TENM2: variants seen among roughly 807,000 people sequenced by gnomAD.
TENM2 encodes teneurin transmembrane protein 2, also known as teneurin-2.
In TENM2, 52 loss-of-function variants were observed where a neutral mutation model predicts 245.2. That is an observed-to-expected ratio of 0.21 (90% CI 0.17 to 0.27). The LOEUF is 0.27. Ranked by LOEUF, TENM2 falls within the 10% of genes least tolerant of loss-of-function variation. TENM2 has a pLI of 1.00. For synonymous variants in TENM2, 1,363 were observed against 1,438.9 expected (o/e 0.95, Z 1.19); for missense variants, 3,046 against 3,666.8 (o/e 0.83, Z 4.37).
At chr5:167,107,353 A>T in the TENM2 span, among the ~76,000 whole-genome samples, 1 of 152,154 alleles carries the variant, frequency 6.6e-6, no homozygotes, top group Non-Finnish European at 1.5e-5. Context: ...AACAAGTTGT[A>T]CGTGGTGGAG....
intron 2 of TENM2, among the ~76,000 whole-genome samples, chr5:167,590,197 GT>G (rs536419132): frequency 1.2e-3 from 183 of 151,776 alleles, no homozygotes; most frequent in Non-Finnish European, 2.3e-3. Flanking sequence ...TCCAAATAGT[GT>G]TTTTTGTTTT....
intron 2 of TENM2, among the ~76,000 whole-genome samples, chr5:167,461,722 A>C (rs1449713664): frequency 6.6e-6 from 1 of 152,198 alleles, no homozygotes; most frequent in South Asian, 2.1e-4. Context: ...CTCTATGTCA[A>C]ATAAATAAAC....
chr5:167,513,630 A>G (rs1216696797), intron 2 of TENM2, among the ~76,000 whole-genome samples: 1 of 152,176 alleles, frequency 6.6e-6, no homozygotes. Context: ...TGCGCTTGAC[A>G]GGATGAACTG....
chr5:167,385,856 ATGTGTGTGTGTGTGTGTGTGTG>A (rs60407919), intron 2 of TENM2, among the ~76,000 whole-genome samples: 7 of 139,060 alleles, frequency 5.0e-5, no homozygotes, highest in South Asian at 2.4e-4. Context: ...TTATATATAT[ATGTGTGTGTGTGTGTGTGTGTG>A]TGTGTGTGTG....
chr5:168,211,680 A>T (rs1457048453), intron 19 of TENM2, 54 bp from the exon 22 acceptor site: 1 of 1,126,126 alleles, frequency 8.9e-7, no homozygotes, highest in Non-Finnish European at 1.3e-6. Context: ...CTTTATCATC[A>T]ATTCTTCTGC....
At position 168,218,681 on chromosome 5, in the gene TENM2, A is replaced by G. The variant is rs914386812; in HGVS notation, c.4790A>G (p.Asn1597Ser). 16 of 1,613,920 alleles carry G rather than the reference A, an allele frequency of 9.9e-6. No individual in the cohort carries two copies. The highest frequency in any genetic ancestry group is 9.3e-6 in the Non-Finnish European group (11 of 1,179,916). ...GGAGAGCAGGAGTTATATGTTTTCA[A>G]CGCTGATGGCATCCACCAATACACT... The change falls in exon 23 of 29, where the codon AAC becomes AGC. Residue 1597 changes from asparagine to serine, a missense_variant. Asn to Ser is a conservative substitution (Grantham distance 46). Around this residue, in one of 2 missense-constraint regions of TENM2, gnomAD observed 2,704 missense variants for 3,331.9 expected, o/e 0.81. Transcript: ENST00000518659. The surrounding 1 kb of genome is among the most constrained non-coding windows in gnomAD (Gnocchi z 5.2).
exon 3 of TENM2, chr5:167,876,161 A>C: frequency 2.6e-6 from 4 of 1,551,598 alleles, no homozygotes; most frequent in Non-Finnish European, 3.5e-6. Context: ...ACCTGCTCAG[A>C]GCATGCTCAG....
the TENM2 span, among the ~76,000 whole-genome samples, chr5:167,087,807 T>A: frequency 3.7e-3 from 556 of 151,602 alleles, 2 homozygotes; most frequent in African/African-American, 0.012. Context: ...TTTTTTTTTT[T>A]AAAACAGAGT....
intron 2 of TENM2, among the ~76,000 whole-genome samples, chr5:167,438,963 T>C (rs1255119511): frequency 6.6e-6 from 1 of 151,838 alleles, no homozygotes; most frequent in Non-Finnish European, 1.5e-5. Context: ...TCGGCTAGTT[T>C]TTTGTATTTT....
In TENM2 at chr5:168,217,118, G is replaced by GAGAGAGAGCA. The variant is rs372493454; in HGVS notation, c.4233+205_4233+214dup. On this transcript the variant is annotated intron_variant, in intron 22 of 28. Transcript: ENST00000518659. The stretch of plus-strand genomic sequence containing the variant: ...AAATGTCAGATAGGTATGAGAGAGA[G>GAGAGAGAGCA]AGAGAGAGCAAGAGAGAGGGAAAAC... Among the ~76,000 whole-genome samples the GAGAGAGAGCA allele has an allele frequency of 8.2e-3, 1,248 of 152,256 alleles. 19 individuals are homozygous for GAGAGAGAGCA. Among genetic ancestry groups the GAGAGAGAGCA allele is most frequent in the African/African-American group, 0.027 (1,131 of 41,524 alleles).
intron 5 of TENM2, among the ~76,000 whole-genome samples, chr5:167,993,804 G>A (rs1484857886): frequency 6.6e-6 from 1 of 152,224 alleles, no homozygotes; most frequent in African/African-American, 2.4e-5. Context: ...ATGGACAGCT[G>A]AATCTGAATC....
At chr5:167,331,235 C>CA (rs34787036) in intron 1 of TENM2, among the ~76,000 whole-genome samples, 47,768 of 85,334 alleles carry the variant, frequency 0.56, 12,637 homozygotes, top group Non-Finnish European at 0.64. Flanking sequence ...GACTCTGTCT[C>CA]AAAAAAAAAA....
chr5:167,677,028 C>T (rs1309013194), intron 2 of TENM2, among the ~76,000 whole-genome samples: 1 of 152,074 alleles, frequency 6.6e-6, no homozygotes, highest in East Asian at 1.9e-4. Context: ...TGGTCAGTGG[C>T]CTTTCCCTCT....
At chr5:167,968,104 G>A (rs1296934401) in intron 4 of TENM2, among the ~76,000 whole-genome samples, 5 of 152,072 alleles carry the variant, frequency 3.3e-5, no homozygotes, top group Non-Finnish European at 7.4e-5. Flanking sequence ...CTTGCAAACC[G>A]TCACGAGATA....
intron 2 of TENM2, among the ~76,000 whole-genome samples, chr5:167,618,453 C>T (rs754831603): frequency 2.0e-5 from 3 of 152,096 alleles, no homozygotes; most frequent in Non-Finnish European, 4.4e-5. Flanking sequence ...CCTGGACCTG[C>T]TTCCATATAC....
chr5:168,074,243 T>A (rs539336418), intron 7 of TENM2, among the ~76,000 whole-genome samples: 128 of 152,158 alleles, frequency 8.4e-4, no homozygotes, highest in Non-Finnish European at 1.6e-3. Context: ...TATACTCCTT[T>A]GGAACTTGAA....
At chr5:167,668,277 C>T (rs1046432693) in intron 2 of TENM2, among the ~76,000 whole-genome samples, 1 of 152,090 alleles carries the variant, frequency 6.6e-6, no homozygotes, top group Non-Finnish European at 1.5e-5. Flanking sequence ...AAATCTAGCT[C>T]TTGTGTAAAT....
intron 2 of TENM2, among the ~76,000 whole-genome samples, chr5:167,654,378 A>G (rs1754693687): frequency 6.6e-6 from 1 of 152,188 alleles, no homozygotes; most frequent in Non-Finnish European, 1.5e-5. Flanking sequence ...CCAGGTGCCA[A>G]GTCTGCACTT....
At chr5:167,944,049 C>G (rs1366571336) in intron 3 of TENM2, among the ~76,000 whole-genome samples, 1 of 152,166 alleles carries the variant, frequency 6.6e-6, no homozygotes, top group Non-Finnish European at 1.5e-5. Context: ...TCAAGTAATA[C>G]TTTCCTGATG....
Sources: allele counts gnomAD v4.1 joint callset (sites outside exome capture counted in the v4.1 genomes callset), GRCh38; gene constraint gnomAD v4.1.1; regional missense constraint gnomAD v4.1.1; non-coding constraint Gnocchi (gnomAD v3.1); transcripts MANE v1.5; gene names NCBI Gene and HGNC (gene_info 2026-07-23, HGNC 2026-07-21).